The following SCFD2 variants were observed in gnomAD, a reference collection of about 807,000 sequenced individuals.
The protein encoded by SCFD2 is sec1 family domain containing 2.
A neutral mutation model predicts 58.9 loss-of-function variants in SCFD2; 54 were observed. The ratio of observed to expected loss-of-function variants is 0.92; its 90% CI spans 0.74 to 1.15. The LOEUF is 1.15. SCFD2 is among the 50% of genes most tolerant of loss of function. The pLI, the probability that SCFD2 is intolerant of heterozygous loss-of-function variation, is 0.00. For missense variants in SCFD2, 805 were observed against 836.6 expected (o/e 0.96, Z 0.47); for synonymous variants, 321 against 335.9 (o/e 0.96, Z 0.49).
At chr4:53,052,143 G>T (rs1723204971) in intron 5 of SCFD2, among the ~76,000 whole-genome samples, 1 of 152,036 alleles carries the variant, frequency 6.6e-6, no homozygotes, top group Non-Finnish European at 1.5e-5. Flanking sequence ...CCTTCATGCT[G>T]CAAGACCACA....
At chr4:53,096,765 T>C (rs145635135) in intron 5 of SCFD2, among the ~76,000 whole-genome samples, 24,633 of 152,188 alleles carry the variant, frequency 0.16, 2,500 homozygotes, top group Middle Eastern at 0.26. Flanking sequence ...TTGCTTTTGG[T>C]GTTTTAGTCA....
At chr4:53,164,021 C>T (rs1577792583) in intron 4 of SCFD2, among the ~76,000 whole-genome samples, 2 of 152,130 alleles carry the variant, frequency 1.3e-5, no homozygotes, top group East Asian at 3.9e-4. Context: ...CATAGCAAGG[C>T]ATTTAGCATC....
intron 4 of SCFD2, among the ~76,000 whole-genome samples, chr4:53,243,101 C>T (rs1729952418): frequency 6.6e-6 from 1 of 152,122 alleles, no homozygotes; most frequent in Non-Finnish European, 1.5e-5. Flanking sequence ...GCTAGAGAGG[C>T]CAACATTCAA....
In SCFD2 at chr4:52,873,786, T is replaced by C. The variant is rs1379919517; in HGVS notation, c.*183A>G. Reference sequence around the variant, plus strand: ...ATAAAAAAACTTTTTTTTTTTTTTTTTAAGAATCACAGCAATCCAAGCAAA... The same window carrying C: ...ATAAAAAAACTTTTTTTTTTTTTTTCTAAGAATCACAGCAATCCAAGCAAA... On this transcript the variant is annotated 3_prime_UTR_variant, in exon 9 of 9. Coordinates refer to ENST00000401642, the MANE Select transcript of SCFD2 (RefSeq NM_152540.4). The C allele has an allele frequency of 2.3e-6, 1 of 440,066 alleles. No individual in the cohort carries two copies. Among genetic ancestry groups the C allele is most frequent in the African/African-American group, 2.0e-5 (1 of 49,982 alleles). 27.3% of individuals were successfully genotyped at this position (440,066 alleles called of 1,614,324 possible).
chr4:53,224,627 T>C lies in SCFD2; in HGVS notation c.1311+49199A>G, dbSNP rs117456068. Among the ~76,000 whole-genome samples the C allele has an allele frequency of 2.6e-5, 4 of 152,226 alleles. No homozygotes were observed. The East Asian group carries it at 7.7e-4, about 29-fold the overall frequency. On this transcript the variant is annotated intron_variant, in intron 4 of 8. Coordinates refer to ENST00000401642, the MANE Select transcript of SCFD2 (RefSeq NM_152540.4). ...CTGAATAGCCCCCAAATAACCTTAGTAGATGCCATGTAGAGCCAAAGAATT... is the reference window on the plus strand; with the variant it reads ...CTGAATAGCCCCCAAATAACCTTAGCAGATGCCATGTAGAGCCAAAGAATT...
chr4:53,129,126 G>A (rs897457587), intron 5 of SCFD2, among the ~76,000 whole-genome samples: 32 of 152,172 alleles, frequency 2.1e-4, no homozygotes, highest in African/African-American at 7.2e-4. Flanking sequence ...AATGAACACT[G>A]CACCTCATCA....
chr4:53,056,609 G>T (rs1018625928), intron 5 of SCFD2, among the ~76,000 whole-genome samples: 6 of 151,944 alleles, frequency 3.9e-5, no homozygotes, highest in Non-Finnish European at 8.8e-5. Context: ...AGTAGAGTAG[G>T]GTGAACTGTC....
intron 5 of SCFD2, among the ~76,000 whole-genome samples, chr4:52,991,952 G>C (rs1721621049): frequency 6.6e-6 from 1 of 152,192 alleles, no homozygotes; most frequent in Admixed American, 6.5e-5. Flanking sequence ...GCCTTAAAAT[G>C]TGTGCGTATA....
chr4:52,947,968 CAAAAAAAAAA>C (rs34494471), intron 5 of SCFD2, among the ~76,000 whole-genome samples: 1 of 35,202 alleles, frequency 2.8e-5, no homozygotes, highest in Admixed American at 2.9e-4. Flanking sequence ...AAAAATAGGC[CAAAAAAAAAA>C]AAAAAAAAAA....
intron 4 of SCFD2, among the ~76,000 whole-genome samples, chr4:53,237,454 C>A: frequency 7.0e-6 from 1 of 143,286 alleles, no homozygotes; most frequent in Non-Finnish European, 1.5e-5. Flanking sequence ...GATGGGGGGT[C>A]TGGCCGGGCG....
chr4:53,194,955 A>G (rs765828293), intron 4 of SCFD2, among the ~76,000 whole-genome samples: 2 of 152,244 alleles, frequency 1.3e-5, no homozygotes, highest in Non-Finnish European at 2.9e-5. Context: ...TGAACTGGAC[A>G]GATTGGACAT....
At chr4:53,321,258 T>A (rs1733013451) in intron 2 of SCFD2, among the ~76,000 whole-genome samples, 1 of 152,150 alleles carries the variant, frequency 6.6e-6, no homozygotes, top group Non-Finnish European at 1.5e-5. Context: ...CTGAATGAAA[T>A]CTTAGAAGCT....
chr4:53,168,758 T>C (rs1365499964), intron 4 of SCFD2, among the ~76,000 whole-genome samples: 2 of 152,222 alleles, frequency 1.3e-5, no homozygotes, highest in African/African-American at 4.8e-5. Flanking sequence ...GGTGAGAACA[T>C]TTGAAATTTA....
At chr4:53,335,217 CA>C (rs1271483162) in intron 2 of SCFD2, among the ~76,000 whole-genome samples, 27 of 115,080 alleles carry the variant, frequency 2.3e-4, no homozygotes, top group East Asian at 9.8e-4. Flanking sequence ...AAAAAAACAA[CA>C]AAAAAAAAAA....
chr4:53,140,392 A>AAAAAATATATATAT (rs369140110), intron 5 of SCFD2, among the ~76,000 whole-genome samples: 1 of 97,496 alleles, frequency 1.0e-5, no homozygotes, highest in Non-Finnish European at 2.0e-5. Context: ...CAAAAATGCT[A>AAAAAATATATATAT]ATATATATAT....
At chr4:53,022,683 A>C (rs886691092) in intron 5 of SCFD2, among the ~76,000 whole-genome samples, 1 of 152,226 alleles carries the variant, frequency 6.6e-6, no homozygotes, top group African/African-American at 2.4e-5. Flanking sequence ...TTCCTGCCAG[A>C]CTACCTCACA....
intron 5 of SCFD2, among the ~76,000 whole-genome samples, chr4:53,035,310 A>T (rs1722727756): frequency 6.6e-6 from 1 of 152,182 alleles, no homozygotes; most frequent in Non-Finnish European, 1.5e-5. Context: ...CTTAAACCTT[A>T]AGCAAAAATT....
rs528611920 is a variant in SCFD2 at position 52,908,589 on chromosome 4, T to C, written c.1708-998A>G. ...TTCTCTCTCTGATTGGCCAAATATG[T>C]GACTTGTCTGTAGCAACTGTCAAGG... On this transcript the variant is annotated intron_variant, in intron 6 of 8. Coordinates refer to ENST00000401642, the MANE Select transcript of SCFD2 (RefSeq NM_152540.4). Among the ~76,000 whole-genome samples the C allele has an allele frequency of 1.1e-3, 173 of 152,334 alleles. 1 individual carries two copies. Among genetic ancestry groups the C allele is most frequent in the African/African-American group, 4.0e-3 (166 of 41,574 alleles).
At chr4:53,123,435 G>A (rs1725537568) in intron 5 of SCFD2, among the ~76,000 whole-genome samples, 1 of 149,280 alleles carries the variant, frequency 6.7e-6, no homozygotes, top group South Asian at 2.1e-4. Context: ...TGAGACCATG[G>A]AAACCAACAG....
Sources: allele counts gnomAD v4.1 joint callset (sites outside exome capture counted in the v4.1 genomes callset), GRCh38; gene constraint gnomAD v4.1.1; transcripts MANE v1.5; gene names NCBI Gene and HGNC (gene_info 2026-07-23, HGNC 2026-07-21).